The following KLC1 variants were observed in gnomAD, a reference collection of about 807,000 sequenced individuals.
The protein encoded by KLC1 is kinesin 2 60/70kDa.
Under a neutral mutation model 84.2 loss-of-function variants are expected in KLC1, and 30 were observed. The ratio of observed to expected loss-of-function variants is 0.36; its 90% CI spans 0.27 to 0.48. The LOEUF (loss-of-function observed/expected upper bound fraction) is 0.48. Among genes scored for constraint, KLC1 ranks in the 20% least tolerant of loss-of-function variants. The pLI, the probability that KLC1 is intolerant of heterozygous loss-of-function variation, is 0.99. For synonymous variants in KLC1, 289 were observed against 293.3 expected (o/e 0.99, Z 0.15); for missense variants, 499 against 805.4 (o/e 0.62, Z 4.60).
intron 1 of KLC1, among the ~76,000 whole-genome samples, chr14:103,648,891 C>T (rs552548373): frequency 1.1e-4 from 17 of 152,296 alleles, no homozygotes; most frequent in Middle Eastern, 3.4e-3. Context: ...AATCCCAGTT[C>T]TTTGGGAGGC....
chr14:103,644,979 CTT>C (rs1168761015), intron 1 of KLC1, among the ~76,000 whole-genome samples: 1 of 151,552 alleles, frequency 6.6e-6, no homozygotes, highest in African/African-American at 2.4e-5. Flanking sequence ...TTCTCTCTCT[CTT>C]TCTTTCTTTT....
At chr14:103,686,768 G>A (rs929897470) in intron 13 of KLC1, 3 of 170,304 alleles carry the variant, frequency 1.8e-5, no homozygotes, top group Non-Finnish European at 2.6e-5. Flanking sequence ...CTGAGACTTT[G>A]TGTGTTGGCT....
At chr14:103,633,981 G>C (rs1487983527) in intron 1 of KLC1, among the ~76,000 whole-genome samples, 1 of 152,180 alleles carries the variant, frequency 6.6e-6, no homozygotes, top group South Asian at 2.1e-4. Flanking sequence ...CCATTCTCCT[G>C]CCTCAGCCTC....
rs559679065 is a variant in KLC1, at chr14:103,634,007, T to C, written c.-2+4513T>C. On this transcript the variant is annotated intron_variant, in intron 1 of 16. Transcript: ENST00000334553. Reference sequence around the variant, plus strand: ...CCTCAGCCTCCCAAGTAGTTGGGACTACAGGCATGTGCCACCACACCTAGC... The same window carrying C: ...CCTCAGCCTCCCAAGTAGTTGGGACCACAGGCATGTGCCACCACACCTAGC... Among the ~76,000 whole-genome samples the C allele has an allele frequency of 8.5e-5, 13 of 152,280 alleles. No individual in the cohort carries two copies. The South Asian group carries it at 2.7e-3, about 32-fold the overall frequency.
In KLC1 at chr14:103,694,118, C is replaced by T; in HGVS notation, c.1848+1693C>T. On this transcript the variant is annotated intron_variant, in intron 15 of 16. Transcript: ENST00000334553. The surrounding 1 kb of genome is among the most constrained non-coding windows in gnomAD (Gnocchi z 4.5). Reference sequence around the variant, plus strand: ...CTGGTCAGTGGGAAGTGAATTCCTTCCCAGCTGGAGCATCTTCCGGGTCTC... The same window carrying T: ...CTGGTCAGTGGGAAGTGAATTCCTTTCCAGCTGGAGCATCTTCCGGGTCTC... 2.0e-6 allele frequency: 2 copies of T among 985,038 alleles called. No homozygotes were observed. The highest frequency in any genetic ancestry group is 2.4e-6 in the Non-Finnish European group (2 of 829,254). 61.0% of individuals were successfully genotyped at this position (985,038 alleles called of 1,614,324 possible). A position where few individuals can be genotyped will look rare whatever the true frequency, so the allele number is the denominator to read the frequency against.
intron 1 of KLC1, among the ~76,000 whole-genome samples, chr14:103,635,349 C>T (rs903191079): frequency 6.6e-6 from 1 of 152,192 alleles, no homozygotes; most frequent in Non-Finnish European, 1.5e-5. Context: ...GTAAACCCTG[C>T]GGATGTCATA....
At chr14:103,644,519 G>A (rs931277536) in intron 1 of KLC1, among the ~76,000 whole-genome samples, 4 of 151,986 alleles carry the variant, frequency 2.6e-5, no homozygotes, top group Non-Finnish European at 1.5e-5. Flanking sequence ...TCAGCCTCCC[G>A]AAGTGCTTGG....
chr14:103,641,177 G>C (rs189910170), intron 1 of KLC1, among the ~76,000 whole-genome samples: 1 of 152,060 alleles, frequency 6.6e-6, no homozygotes, highest in Non-Finnish European at 1.5e-5. Context: ...CACCTGCCTC[G>C]GCCTCCCAGT....
rs1463219470 is a variant in KLC1, at chr14:103,693,991, G to GTA, written c.1848+1567_1848+1568dup. On this transcript the variant is annotated intron_variant, in intron 15 of 16. Coordinates refer to ENST00000334553, the MANE Select transcript of KLC1 (RefSeq NM_001394837.1). The surrounding 1 kb of genome is among the most constrained non-coding windows in gnomAD (Gnocchi z 5.1). The stretch of plus-strand genomic sequence containing the variant: ...AGACTCTCTTTTAAATTGTAATATT[G>GTA]TAATAAGGCTGTAAATTAAGAATCT... The GTA allele has an allele frequency of 5.6e-6, 6 of 1,071,186 alleles. No individual in the cohort carries two copies. The Admixed American group carries it at 2.6e-4, about 46-fold the overall frequency. The allele number at this position is 1,071,186 out of a possible 1,614,324, so 66.4% of individuals were successfully genotyped here.
At chr14:103,678,322 A>G (rs1443680494) in intron 12 of KLC1, among the ~76,000 whole-genome samples, 1 of 152,156 alleles carries the variant, frequency 6.6e-6, no homozygotes, top group Non-Finnish European at 1.5e-5. Flanking sequence ...CATGAACAGC[A>G]AAATAAAAAC....
At chr14:103,661,579 A>T (rs528658039) in intron 3 of KLC1, among the ~76,000 whole-genome samples, 7 of 152,280 alleles carry the variant, frequency 4.6e-5, no homozygotes, top group African/African-American at 1.7e-4. Flanking sequence ...TGTCTTTTCC[A>T]TTATGTAGTT....
chr14:103,649,984 C>T (rs11849259), intron 1 of KLC1, among the ~76,000 whole-genome samples: 46,337 of 152,110 alleles, frequency 0.3, 7,620 homozygotes, highest in Middle Eastern at 0.38. Flanking sequence ...CGTGAGCCAC[C>T]GTGCCCGGCA....
Position 103,654,547 on chromosome 14 carries a change from T to C in KLC1, c.-1-17T>C, listed in dbSNP as rs781272877. 1.9e-6 allele frequency: 3 copies of C among 1,566,328 alleles called. No homozygotes were observed. The highest frequency in any genetic ancestry group is 2.0e-5 in the Admixed American group (1 of 50,032). On this transcript the variant is annotated splice_polypyrimidine_tract_variant and intron_variant, in intron 1 of 16. Transcript: ENST00000334553. ...CTGTAATGAGGGATCTAATTTCTTT[T>C]TCTTTTTTCATTCCAGAATGTATGA...
chr14:103,648,910 G>T (rs1288153046), intron 1 of KLC1, among the ~76,000 whole-genome samples: 2 of 152,168 alleles, frequency 1.3e-5, no homozygotes, highest in Admixed American at 6.5e-5. Flanking sequence ...GCCGAGGCGG[G>T]CAGATCACCT....
rs1260443643 is a variant in KLC1, at chr14:103,687,207, C to T, written c.1777C>T (p.Pro593Ser). ...GSSRESEPKN[P>S]GMKRASSLNV... ...TTCACGAGAGAGTGAGCCAAAGAAC[C>T]CCGGGTAACTATCTCTTCCAGCTCT... Residue 593 changes from proline (P) to serine (S), a missense_variant, in exon 14 of 17, where the codon CCC becomes TCC. Coordinates refer to ENST00000334553, the MANE Select transcript of KLC1 (RefSeq NM_001394837.1). 3 of 1,542,556 alleles carry T rather than the reference C, an allele frequency of 1.9e-6. No homozygotes were observed. The highest frequency in any genetic ancestry group is 2.6e-6 in the Non-Finnish European group (3 of 1,141,346).
chr14:103,664,763 G>C (rs896663874), intron 5 of KLC1, among the ~76,000 whole-genome samples: 1 of 149,594 alleles, frequency 6.7e-6, no homozygotes, highest in Non-Finnish European at 1.5e-5. Context: ...GATCTGCTCA[G>C]CTCGGTACCC....
chr14:103,662,505 G>T (rs1005834637), intron 4 of KLC1, among the ~76,000 whole-genome samples, 197 bp from the exon 5 acceptor site: 1 of 152,014 alleles, frequency 6.6e-6, no homozygotes, highest in Admixed American at 6.6e-5. Context: ...ATGGCACTGA[G>T]TGGCCATGTT....
chr14:103,646,078 A>G (rs1411836545), intron 1 of KLC1, among the ~76,000 whole-genome samples: 1 of 152,128 alleles, frequency 6.6e-6, no homozygotes, highest in Non-Finnish European at 1.5e-5. Flanking sequence ...ATCTTATGGG[A>G]CCACTGTCAA....
intron 1 of KLC1, among the ~76,000 whole-genome samples, chr14:103,641,735 A>G (rs2077508438): frequency 6.6e-6 from 1 of 151,070 alleles, no homozygotes; most frequent in East Asian, 2.0e-4. Context: ...CCCAGGCTCA[A>G]TTCATCCTCC....
Sources: gnomAD v4.1 joint callset for allele counts (sites outside exome capture counted in the v4.1 genomes callset) on GRCh38, gnomAD v4.1.1 for gene constraint, Gnocchi (gnomAD v3.1) non-coding constraint, MANE v1.5 for transcripts, NCBI Gene and HGNC (gene_info 2026-07-23, HGNC 2026-07-21) for gene names.